The following XRCC4 variants were observed in gnomAD, a reference collection of about 807,000 sequenced individuals.
XRCC4 encodes the protein DNA repair protein XRCC4.
In XRCC4, 28 loss-of-function variants were observed where a neutral mutation model predicts 39.1. The observed-to-expected ratio is 0.72, with a 90% CI of 0.53 to 0.98. The LOEUF (loss-of-function observed/expected upper bound fraction) is 0.98, where lower values mean the gene tolerates loss of function less well. Ranked by LOEUF, XRCC4 falls within the 50% of genes least tolerant of loss-of-function variation. The probability of loss-of-function intolerance (pLI) is 0.00; values close to 1 mark genes in which losing one functional copy is unlikely to be tolerated. For synonymous variants in XRCC4, 123 were observed against 126.4 expected (o/e 0.97, Z 0.18); for missense variants, 350 against 376.4 (o/e 0.93, Z 0.58).
At chr5:83,104,380 C>A (rs971443591) in intron 1 of XRCC4, among the ~76,000 whole-genome samples, 2 of 152,132 alleles carry the variant, frequency 1.3e-5, no homozygotes, top group Non-Finnish European at 2.9e-5. Context: ...AGGTCATTCT[C>A]ACAAGTTCTT....
intron 7 of XRCC4, among the ~76,000 whole-genome samples, chr5:83,348,813 G>C (rs1756996276): frequency 6.6e-6 from 1 of 152,164 alleles, no homozygotes; most frequent in African/African-American, 2.4e-5. Flanking sequence ...TTAAATATAA[G>C]TTCCAATTTC....
intron 7 of XRCC4, among the ~76,000 whole-genome samples, chr5:83,287,867 T>A (rs35270): frequency 0.24 from 36,585 of 151,448 alleles, 5,766 homozygotes; most frequent in African/African-American, 0.45. Context: ...GTTTACTAAG[T>A]TGAAAGCATA....
chr5:83,374,119 A>G, the XRCC4 span, among the ~76,000 whole-genome samples: 1 of 152,170 alleles, frequency 6.6e-6, no homozygotes, highest in East Asian at 1.9e-4. Flanking sequence ...ATCCTGTAAG[A>G]GGACCCAGAA....
intron 3 of XRCC4, among the ~76,000 whole-genome samples, chr5:83,146,463 T>G (rs564147274): frequency 3.2e-4 from 48 of 152,294 alleles, no homozygotes; most frequent in African/African-American, 1.0e-3. Context: ...GCTTTAGGTT[T>G]TACATTATTA....
chr5:83,258,620 A>T lies in XRCC4; in HGVS notation c.836A>T (p.Asn279Ile). ...AAAAGGAGACAGCGAATGCAAAGAA[A>T]TCTTGGGACAGAACCTAAAATGGCT... ...SRKRRQRMQR[N>I]LGTEPKMAPQ... Residue 279 changes from asparagine to isoleucine, a missense_variant, in exon 7 of 8, where the codon AAT becomes ATT. Coordinates refer to ENST00000396027, the MANE Select transcript of XRCC4 (RefSeq NM_003401.5). 6.2e-7 allele frequency: 1 copy of T among 1,612,068 alleles called. No homozygotes were observed. The highest frequency in any genetic ancestry group is 8.5e-7 in the Non-Finnish European group (1 of 1,179,306).
chr5:83,274,816 A>G (rs1754268485), intron 7 of XRCC4, among the ~76,000 whole-genome samples: 1 of 152,210 alleles, frequency 6.6e-6, no homozygotes, highest in African/African-American at 2.4e-5. Flanking sequence ...TGTATCAGTG[A>G]AATAAGCTTT....
chr5:83,273,582 T>A (rs560209353), intron 7 of XRCC4, among the ~76,000 whole-genome samples: 3 of 152,318 alleles, frequency 2.0e-5, no homozygotes, highest in Non-Finnish European at 4.4e-5. Context: ...CCATCTTGAG[T>A]TGATTTTTGT....
intron 7 of XRCC4, among the ~76,000 whole-genome samples, chr5:83,291,090 G>GT (rs1754906214): frequency 6.6e-6 from 1 of 151,784 alleles, no homozygotes; most frequent in Non-Finnish European, 1.5e-5. Context: ...AAATATTTGT[G>GT]TATCTTTTTT....
chr5:83,247,461 T>G (rs915660423), intron 6 of XRCC4, among the ~76,000 whole-genome samples: 5 of 152,142 alleles, frequency 3.3e-5, no homozygotes, highest in African/African-American at 1.2e-4. Context: ...AAATTGTCTT[T>G]CATGAAACCC....
chr5:83,180,405 G>A (rs111327318), intron 3 of XRCC4, among the ~76,000 whole-genome samples: 2,208 of 152,242 alleles, frequency 0.015, 60 homozygotes, highest in African/African-American at 0.051. Context: ...GAAATGACAA[G>A]GCTGAGCTAG....
chr5:83,334,662 T>C (rs1171433941), intron 7 of XRCC4, among the ~76,000 whole-genome samples: 1 of 148,182 alleles, frequency 6.7e-6, no homozygotes, highest in Non-Finnish European at 1.5e-5. Context: ...GTACATTATA[T>C]GTATGTGTGT....
intron 4 of XRCC4, among the ~76,000 whole-genome samples, chr5:83,197,939 AC>A (rs1315273496): frequency 6.6e-6 from 1 of 152,108 alleles, no homozygotes; most frequent in African/African-American, 2.4e-5. Context: ...CTTTCAGAGG[AC>A]AGAGGCCACT....
At chr5:83,374,281 T>C in the XRCC4 span, among the ~76,000 whole-genome samples, 2 of 152,316 alleles carry the variant, frequency 1.3e-5, no homozygotes, top group Middle Eastern at 3.4e-3. Context: ...GTTTCCCTGA[T>C]ACTGTTCTCA....
At chr5:83,187,283 T>C (rs1037084371) in intron 3 of XRCC4, among the ~76,000 whole-genome samples, 1 of 152,222 alleles carries the variant, frequency 6.6e-6, no homozygotes, top group African/African-American at 2.4e-5. Flanking sequence ...TCTCTGTGTG[T>C]ATCTTCACCG....
At chr5:83,179,283 G>A (rs148234104) in intron 3 of XRCC4, among the ~76,000 whole-genome samples, 34 of 152,286 alleles carry the variant, frequency 2.2e-4, no homozygotes, top group African/African-American at 7.7e-4. Flanking sequence ...GAGTCAGAGC[G>A]AATGCTATCT....
chr5:83,110,475 G>A (rs901094931), intron 2 of XRCC4, among the ~76,000 whole-genome samples: 1 of 151,992 alleles, frequency 6.6e-6, no homozygotes, highest in Admixed American at 6.6e-5. Context: ...AGTATAGTAT[G>A]TGTTGCAGAG....
intron 7 of XRCC4, among the ~76,000 whole-genome samples, chr5:83,262,856 T>A (rs75101436): frequency 0.064 from 9,538 of 148,892 alleles, 965 homozygotes; most frequent in African/African-American, 0.22. Flanking sequence ...TTTTTTTTTT[T>A]TTATACTTTA....
intron 1 of XRCC4, among the ~76,000 whole-genome samples, chr5:83,092,060 G>A (rs556938824): frequency 1.3e-5 from 2 of 149,460 alleles, no homozygotes; most frequent in South Asian, 4.1e-4. Context: ...CTCACAGATA[G>A]GAGGTGATAT....
At chr5:83,238,693 T>A (rs1018027653) in intron 6 of XRCC4, among the ~76,000 whole-genome samples, 1 of 152,170 alleles carries the variant, frequency 6.6e-6, no homozygotes, top group African/African-American at 2.4e-5. Context: ...TTTCTGATGA[T>A]GATGTTTGGT....
Sources: gnomAD v4.1 joint callset for allele counts (sites outside exome capture counted in the v4.1 genomes callset) on GRCh38, gnomAD v4.1.1 for gene constraint, MANE v1.5 for transcripts, NCBI Gene and HGNC (gene_info 2026-07-23, HGNC 2026-07-21) for gene names.